DAB1: variants seen among roughly 807,000 people sequenced by gnomAD.
The protein encoded by DAB1 is disabled homolog 1.
DAB1 carries 15 observed loss-of-function variants against 64.6 expected under a neutral mutation model. That is an observed-to-expected ratio of 0.23 (90% CI 0.16 to 0.36). The LOEUF is 0.36. DAB1 is among the 10% of genes least tolerant of loss of function. DAB1 has a pLI of 1.00. For synonymous variants in DAB1, 235 were observed against 251.9 expected, an observed-to-expected ratio of 0.93 and a Z score of 0.64; for missense variants, 596 against 706.7, an observed-to-expected ratio of 0.84 and a Z score of 1.78.
intron 1 of DAB1, among the ~76,000 whole-genome samples, chr1:57,365,663 C>G (rs539049691): frequency 6.6e-6 from 1 of 151,946 alleles, no homozygotes; most frequent in Non-Finnish European, 1.5e-5. Context: ...CAAGTGAGGT[C>G]TCTCGGACCA....
intron 1 of DAB1, among the ~76,000 whole-genome samples, chr1:57,409,231 T>G (rs1459086020): frequency 6.6e-6 from 1 of 152,230 alleles, no homozygotes; most frequent in Non-Finnish European, 1.5e-5. Flanking sequence ...TAGAGGTAGG[T>G]TGGCTTCCTC....
intron 7 of DAB1, among the ~76,000 whole-genome samples, chr1:57,646,398 G>T (rs1251275381): frequency 3.9e-5 from 6 of 152,138 alleles, no homozygotes; most frequent in Non-Finnish European, 8.8e-5. Flanking sequence ...CCACGTCTAG[G>T]ACACAACAAT....
chr1:57,920,482 G>A (rs1644792496), intron 5 of DAB1, among the ~76,000 whole-genome samples: 1 of 152,012 alleles, frequency 6.6e-6, no homozygotes, highest in Non-Finnish European at 1.5e-5. Context: ...CCTGACTAAT[G>A]TTTTAATTTT....
intron 1 of DAB1, among the ~76,000 whole-genome samples, chr1:57,874,813 A>C (rs138757234): frequency 4.4e-4 from 67 of 152,272 alleles, no homozygotes; most frequent in African/African-American, 1.4e-3. Context: ...TACAGACAGT[A>C]ACTAAGAATG....
At chr1:57,266,791 A>T (rs1670621078) in intron 2 of DAB1, among the ~76,000 whole-genome samples, 1 of 152,216 alleles carries the variant, frequency 6.6e-6, no homozygotes, top group Non-Finnish European at 1.5e-5. Context: ...GTAAACTATA[A>T]TAAAAGAAGC....
chr1:57,949,465 AT>A (rs1645234953), intron 5 of DAB1, among the ~76,000 whole-genome samples: 1 of 123,680 alleles, frequency 8.1e-6, no homozygotes, highest in Non-Finnish European at 1.8e-5. Context: ...TTCTTTATCT[AT>A]CTATCTATCT....
At chr1:58,325,637 AT>A (rs1483071009) in intron 4 of DAB1, among the ~76,000 whole-genome samples, 1 of 152,200 alleles carries the variant, frequency 6.6e-6, no homozygotes, top group Non-Finnish European at 1.5e-5. Context: ...TAAGAAAAAA[AT>A]AATAACAATA....
chr1:57,080,739 C>A (rs1652420985), intron 4 of DAB1, among the ~76,000 whole-genome samples: 1 of 139,976 alleles, frequency 7.1e-6, no homozygotes, highest in African/African-American at 2.6e-5. Flanking sequence ...AGTTACAACA[C>A]ACACACACAC....
At chr1:57,025,324 C>T (rs1646749560) in intron 10 of DAB1, among the ~76,000 whole-genome samples, 1 of 152,192 alleles carries the variant, frequency 6.6e-6, no homozygotes, top group Non-Finnish European at 1.5e-5. Context: ...CCTGCAATCT[C>T]TGTCCTTTTG....
chr1:57,777,976 T>G (rs1435677156), intron 6 of DAB1, among the ~76,000 whole-genome samples: 2 of 152,124 alleles, frequency 1.3e-5, no homozygotes, highest in African/African-American at 4.8e-5. Context: ...AAGTTTGCTA[T>G]GACAGGTCTA....
rs368971894 is a variant in DAB1 at position 57,290,248 on chromosome 1, GAA to G, written c.67+714_67+715del. 1.3e-4 allele frequency among the ~76,000 whole-genome samples: 19 copies of G among 142,810 alleles called. No homozygotes were observed. The South Asian group carries it at 3.8e-3, about 28-fold the overall frequency. 93.7% of individuals were successfully genotyped at this position (142,810 alleles called of 152,430 possible). A position where few individuals can be genotyped will look rare whatever the true frequency, so the allele number is the denominator to read the frequency against. On this transcript the variant is annotated intron_variant, in intron 2 of 14. Coordinates refer to ENST00000371236, the MANE Select transcript of DAB1 (RefSeq NM_001365792.1). ...AGTGAATAAGCAGGAGTCAGTTCAG[GAA>G]AAAAAAAAAAATGAAGAGCAACAGA...
intron 1 of DAB1, chr1:58,539,005 C>T (rs1222738926): frequency 1.1e-6 from 1 of 872,842 alleles, no homozygotes; most frequent in Non-Finnish European, 2.0e-6. Flanking sequence ...CCATACAGTA[C>T]ATTTGCTGGT....
At chr1:57,464,542 C>T (rs1686893832) in intron 7 of DAB1, among the ~76,000 whole-genome samples, 1 of 152,110 alleles carries the variant, frequency 6.6e-6, no homozygotes, top group African/African-American at 2.4e-5. Context: ...CACATCTTCT[C>T]TTGGGTTTGT....
intron 6 of DAB1, among the ~76,000 whole-genome samples, chr1:57,737,082 G>A (rs1306721052): frequency 6.6e-6 from 1 of 152,202 alleles, no homozygotes; most frequent in African/African-American, 2.4e-5. Context: ...AGCTACCGGA[G>A]AGGGCTTCTC....
Position 57,233,266 on chromosome 1 carries a change from T to C in DAB1, c.67+57698A>G, listed in dbSNP as rs982339470. Among the ~76,000 whole-genome samples the C allele has an allele frequency of 1.5e-3, 118 of 78,786 alleles. 1 individual carries two copies. The highest frequency in any genetic ancestry group is 4.1e-3 in the African/African-American group (115 of 27,956). 51.7% of individuals were successfully genotyped at this position (78,786 alleles called of 152,430 possible). A position where few individuals can be genotyped will look rare whatever the true frequency, so the allele number is the denominator to read the frequency against. The stretch of plus-strand genomic sequence containing the variant: ...GCTTTGCTCCGATTCTTTTTTTTTT[T>C]TTTTTTTTTTTTTTGAGACGGAGTC... On this transcript the variant is annotated intron_variant, in intron 2 of 14. Coordinates refer to ENST00000371236, the MANE Select transcript of DAB1 (RefSeq NM_001365792.1).
chr1:58,431,383 C>T (rs960552780), intron 3 of DAB1, among the ~76,000 whole-genome samples: 13 of 151,966 alleles, frequency 8.6e-5, no homozygotes, highest in African/African-American at 2.9e-4. Flanking sequence ...CATGGTGAAA[C>T]CCCATCTCTA....
intron 5 of DAB1, among the ~76,000 whole-genome samples, chr1:57,919,287 G>T (rs1318941152): frequency 6.6e-6 from 1 of 152,202 alleles, no homozygotes; most frequent in East Asian, 1.9e-4. Flanking sequence ...CTGTGGCTTA[G>T]GCCCTGTATT....
chr1:57,725,286 A>T (rs1044229097), intron 6 of DAB1, among the ~76,000 whole-genome samples: 1 of 152,208 alleles, frequency 6.6e-6, no homozygotes, highest in African/African-American at 2.4e-5. Flanking sequence ...GAAGATAAAA[A>T]ATGAGAACAA....
chr1:57,583,290 C>CTTTTT (rs34464140), intron 7 of DAB1, among the ~76,000 whole-genome samples: 4 of 136,348 alleles, frequency 2.9e-5, no homozygotes, highest in African/African-American at 5.4e-5. Flanking sequence ...TTTTTCTTTT[C>CTTTTT]TTTTTTTTTT....
Sources: allele counts gnomAD v4.1 joint callset (sites outside exome capture counted in the v4.1 genomes callset), GRCh38; gene constraint gnomAD v4.1.1; transcripts MANE v1.5; gene names NCBI Gene and HGNC (gene_info 2026-07-23, HGNC 2026-07-21).